The following TBC1D23 variants were observed in gnomAD, a reference collection of about 807,000 sequenced individuals.
TBC1D23 encodes the protein TBC1 domain family member 23, also known as HCV non-structural protein 4A-transactivated protein 1.
In TBC1D23, 55 loss-of-function variants were observed where a neutral mutation model predicts 91.4. That is an observed-to-expected ratio of 0.60 (90% CI 0.48 to 0.75). The LOEUF (loss-of-function observed/expected upper bound fraction) is 0.75, where lower values mean the gene tolerates loss of function less well. Among genes scored for constraint, TBC1D23 ranks in the 30% least tolerant of loss-of-function variants. The pLI, the probability that TBC1D23 is intolerant of heterozygous loss-of-function variation, is 0.00. For synonymous variants in TBC1D23, 289 were observed against 281.0 expected, an observed-to-expected ratio of 1.03 and a Z score of -0.28; for missense variants, 725 against 836.1, an observed-to-expected ratio of 0.87 and a Z score of 1.64.
chr3:100,266,092 A>G (rs1311846360), intron 1 of TBC1D23, among the ~76,000 whole-genome samples: 1 of 152,192 alleles, frequency 6.6e-6, no homozygotes, highest in Non-Finnish European at 1.5e-5. Context: ...GCTGGATACT[A>G]CTTTTAGAAG....
chr3:100,282,124 A>G (rs2067700449), intron 3 of TBC1D23, among the ~76,000 whole-genome samples: 1 of 152,204 alleles, frequency 6.6e-6, no homozygotes, highest in South Asian at 2.1e-4. Context: ...CAGCCTGGCC[A>G]ACATGGCAAA....
At chr3:100,302,558 T>C (rs1705451502) in intron 11 of TBC1D23, among the ~76,000 whole-genome samples, 1 of 152,184 alleles carries the variant, frequency 6.6e-6, no homozygotes, top group African/African-American at 2.4e-5. Flanking sequence ...TCTGGATTAT[T>C]ATGTTATTTG....
intron 1 of TBC1D23, among the ~76,000 whole-genome samples, chr3:100,274,451 C>T (rs1473930335): frequency 6.6e-6 from 1 of 152,048 alleles, no homozygotes; most frequent in African/African-American, 2.4e-5. Context: ...AGTTTACCAT[C>T]TTGACCATTT....
intron 15 of TBC1D23, among the ~76,000 whole-genome samples, chr3:100,312,505 C>G (rs1705642242): frequency 6.6e-6 from 1 of 151,846 alleles, no homozygotes; most frequent in Non-Finnish European, 1.5e-5. Context: ...TTCTCTAACC[C>G]AAATAAAACG....
chr3:100,290,468 C>T (rs2067779628), intron 4 of TBC1D23, 110 bp from the exon 5 acceptor site: 1 of 933,090 alleles, frequency 1.1e-6, no homozygotes, highest in African/African-American at 1.7e-5. Flanking sequence ...CTGCTACTGT[C>T]AGGTAGGCTT....
rs925559179 is a variant in TBC1D23 at position 100,305,640 on chromosome 3, A to C, written c.1306+752A>C. Among the ~76,000 whole-genome samples, 7 of 152,120 alleles carry C rather than the reference A, an allele frequency of 4.6e-5. No individual in the cohort carries two copies. In the South Asian group the frequency reaches 8.3e-4, roughly 18 times the overall value. On this transcript the variant is annotated intron_variant, in intron 12 of 18. Coordinates refer to ENST00000394144, the MANE Select transcript of TBC1D23 (RefSeq NM_001199198.3). ...GAGGGTAATGGAATCTTAGGCTTTA[A>C]TCATGGGAGTTAGGCTGTAACTTAG...
At chr3:100,267,912 T>C (rs945524330) in intron 1 of TBC1D23, among the ~76,000 whole-genome samples, 28 of 152,364 alleles carry the variant, frequency 1.8e-4, no homozygotes, top group African/African-American at 6.3e-4. Context: ...GGCTCATGCC[T>C]ATAATCCCAT....
chr3:100,279,256 C>T (rs866353056), intron 1 of TBC1D23, among the ~76,000 whole-genome samples: 1 of 152,274 alleles, frequency 6.6e-6, no homozygotes, highest in South Asian at 2.1e-4. Context: ...TAACCTACCT[C>T]ATAGGGATTG....
At chr3:100,274,187 A>G (rs1049531189) in intron 1 of TBC1D23, among the ~76,000 whole-genome samples, 1 of 152,174 alleles carries the variant, frequency 6.6e-6, no homozygotes, top group African/African-American at 2.4e-5. Flanking sequence ...AATAGTATTC[A>G]TGGATTCTGT....
At chr3:100,290,079 C>T (rs1396353853) in intron 4 of TBC1D23, among the ~76,000 whole-genome samples, 1 of 152,160 alleles carries the variant, frequency 6.6e-6, no homozygotes, top group East Asian at 1.9e-4. Context: ...CTGGAATTTG[C>T]TCTGAGGAGT....
chr3:100,290,509 A>G, intron 4 of TBC1D23, 69 bp from the exon 5 acceptor site: 1 of 1,419,402 alleles, frequency 7.0e-7, no homozygotes, highest in Non-Finnish European at 9.9e-7. Context: ...TATAGCAGGA[A>G]GATTGGTTAC....
At position 100,294,234 on chromosome 3, in the gene TBC1D23, A is replaced by G. The variant is rs565784088; in HGVS notation, c.601-853A>G. Among the ~76,000 whole-genome samples, 29 of 151,930 alleles carry G rather than the reference A, an allele frequency of 1.9e-4. 1 individual carries two copies. The South Asian group carries it at 5.4e-3, about 28-fold the overall frequency. On this transcript the variant is annotated intron_variant, in intron 5 of 18. Transcript: ENST00000394144. ...CTTAGCTCCTGAAATTTATTGAAGG[A>G]TATGAATGTTATTTATTTTTTTTTG...
At chr3:100,271,893 G>C (rs2067602755) in intron 1 of TBC1D23, among the ~76,000 whole-genome samples, 1 of 152,196 alleles carries the variant, frequency 6.6e-6, no homozygotes, top group Non-Finnish European at 1.5e-5. Flanking sequence ...GAAAGAGCAA[G>C]GAGTGAAGAA....
chr3:100,316,364 G>A (rs369450916), intron 16 of TBC1D23, among the ~76,000 whole-genome samples, 177 bp downstream of exon 16: 1 of 152,060 alleles, frequency 6.6e-6, no homozygotes, highest in African/African-American at 2.4e-5. Context: ...ATTGTTGTAC[G>A]TATTAGAAAT....
intron 5 of TBC1D23, among the ~76,000 whole-genome samples, chr3:100,291,785 CT>C (rs1365916217): frequency 8.7e-5 from 12 of 138,662 alleles, no homozygotes; most frequent in African/African-American, 2.6e-4. Context: ...ATCATATCTG[CT>C]TTTTTTTTTC....
Position 100,283,867 on chromosome 3 carries a change from T to G in TBC1D23, c.476+56T>G. 9 of 1,131,384 alleles carry G rather than the reference T, an allele frequency of 8.0e-6. No homozygotes were observed. In the South Asian group the frequency reaches 1.3e-4, roughly 16 times the overall value. The allele number at this position is 1,131,384 out of a possible 1,614,324, so 70.1% of individuals were successfully genotyped here. On this transcript the variant is annotated intron_variant, in intron 4 of 18. Coordinates refer to ENST00000394144, the MANE Select transcript of TBC1D23 (RefSeq NM_001199198.3). Reference sequence around the variant, plus strand: ...AAAAGTGAATACAGGCCTGGTTTGCTTTGAGCTAAAGTTGCTAGATTTACT... The same window carrying G: ...AAAAGTGAATACAGGCCTGGTTTGCGTTGAGCTAAAGTTGCTAGATTTACT...
At position 100,323,726 on chromosome 3, in the gene TBC1D23, A is replaced by G. The variant is rs546834612; in HGVS notation, c.*58A>G. 5.1e-5 allele frequency: 41 copies of G among 809,888 alleles called. No individual in the cohort carries two copies. Among genetic ancestry groups the G allele is most frequent in the Non-Finnish European group, 7.3e-5 (41 of 565,288 alleles). 50.2% of individuals were successfully genotyped at this position (809,888 alleles called of 1,614,324 possible). A position where few individuals can be genotyped will look rare whatever the true frequency, so the allele number is the denominator to read the frequency against. ...ACAACCAAGAGAAACATGGACATAT[A>G]CCTCCTGACTGAATACTAACTGGAG... On this transcript the variant is annotated 3_prime_UTR_variant, in exon 19 of 19. Transcript: ENST00000394144.
chr3:100,299,982 G>A (rs1243819565), intron 10 of TBC1D23, among the ~76,000 whole-genome samples: 1 of 152,158 alleles, frequency 6.6e-6, no homozygotes, highest in Non-Finnish European at 1.5e-5. Context: ...AGCTCTTACT[G>A]TAATTGAGTA....
At position 100,281,295 on chromosome 3, in the gene TBC1D23, C is replaced by T. The variant is rs147810885; in HGVS notation, c.166-447C>T. 5.1e-3 allele frequency among the ~76,000 whole-genome samples: 778 copies of T among 152,182 alleles called. 3 individuals carry two copies. The highest frequency in any genetic ancestry group is 6.8e-3 in the Non-Finnish European group (463 of 68,004). On this transcript the variant is annotated intron_variant, in intron 2 of 18. Coordinates refer to ENST00000394144, the MANE Select transcript of TBC1D23 (RefSeq NM_001199198.3). The stretch of plus-strand genomic sequence containing the variant: ...CTACCTGTTGCATTTGGATATGTCA[C>T]TTAAGATTCTTTAAATCAATACAGT...
Sources: allele counts gnomAD v4.1 joint callset (sites outside exome capture counted in the v4.1 genomes callset), GRCh38; gene constraint gnomAD v4.1.1; transcripts MANE v1.5; gene names NCBI Gene and HGNC (gene_info 2026-07-23, HGNC 2026-07-21).